Variants in ADAMTS13 observed in about 807,000 individuals in gnomAD.
The protein encoded by ADAMTS13 is ADAM metallopeptidase with thrombospondin type 1 motif 13.
A neutral mutation model predicts 155.1 loss-of-function variants in ADAMTS13; 110 were observed. That is an observed-to-expected ratio of 0.71 (90% CI 0.61 to 0.83). The LOEUF is 0.83. Among genes scored for constraint, ADAMTS13 ranks in the 40% least tolerant of loss-of-function variants. The pLI is 0.00. For missense variants in ADAMTS13, 1,707 were observed against 1,891.7 expected, an observed-to-expected ratio of 0.90 and a Z score of 1.81; for synonymous variants, 758 against 756.4, an observed-to-expected ratio of 1.00 and a Z score of -0.03.
Position 133,459,001 on chromosome 9 carries a change from A to G in ADAMTS13, c.3937A>G (p.Thr1313Ala), listed in dbSNP as rs1554797083. The G allele has an allele frequency of 1.9e-6, 3 of 1,613,210 alleles. 1 individual carries two copies. Among genetic ancestry groups the G allele is most frequent in the South Asian group, 2.2e-5 (2 of 91,066 alleles). Reference protein sequence around the residue: ...LIRDTHSLRTTAFHGQQVLYW... With the variant: ...LIRDTHSLRTAAFHGQQVLYW... ...CCGGGACACCCACAGCTTGAGGACC[A>G]CAGCGTTCCATGGGCAGCAGGTGCT... The change falls in exon 29 of 29, where the codon ACA (threonine) becomes GCA (alanine). Residue 1313 changes from threonine to alanine, a missense_variant. Thr to Ala is a moderately conservative substitution (Grantham distance 58, BLOSUM62 0). Transcript: ENST00000355699.
In ADAMTS13 at chr9:133,443,379, G is replaced by A. The variant is rs1554791458; in HGVS notation, c.2238G>A (p.Trp746Ter). ...GACGCTCTGTCTCCTTCCTCAGCTG[G>A]GCGGTGGGAGACTTCGGCCCATGCA... ...ACVLEPCPPYWAVGDFGPCSA... is the reference protein window; with the variant it reads ...ACVLEPCPPY The change falls in exon 19 of 29, where the codon TGG becomes TGA. Residue 746 changes from tryptophan (W) to a stop codon, truncating the protein, a stop_gained. Coordinates refer to ENST00000355699, the MANE Select transcript of ADAMTS13 (RefSeq NM_139027.6). LOFTEE classifies it high-confidence loss of function. The A allele has an allele frequency of 6.3e-7, 1 of 1,596,350 alleles. No individual in the cohort carries two copies. Among genetic ancestry groups the A allele is most frequent in the South Asian group, 1.1e-5 (1 of 89,398 alleles).
In ADAMTS13 at chr9:133,436,858, G is replaced by T. The variant is rs781815925; in HGVS notation, c.1338G>T (p.Met446Ile). Reference protein sequence around the residue: ...QACEKTQLEFMSQQCARTDGQ... With the variant: ...QACEKTQLEFISQQCARTDGQ... ...GCGAGAAGACCCAGCTGGAGTTCAT[G>T]TCGCAACAGTGCGCCAGGACCGACG... is the stretch of plus-strand genomic sequence containing the variant. The change falls in exon 12 of 29, where the codon ATG becomes ATT. Residue 446 changes from methionine to isoleucine, a missense_variant. By Grantham distance (10) the Met-to-Ile change is conservative. Transcript: ENST00000355699. 6.3e-6 allele frequency: 10 copies of T among 1,586,474 alleles called. No homozygotes were observed. In the East Asian group the frequency reaches 2.3e-4, roughly 36 times the overall value.
At chr9:133,431,679 G>T (rs1459015450) in intron 8 of ADAMTS13, among the ~76,000 whole-genome samples, 2 of 151,528 alleles carry the variant, frequency 1.3e-5, no homozygotes, top group Non-Finnish European at 2.9e-5. Context: ...TTTTGAGACG[G>T]AGTCTCGCTC....
In ADAMTS13 at chr9:133,436,970, G is replaced by T; in HGVS notation, c.1435+15G>T. The T allele has an allele frequency of 6.3e-7, 1 of 1,593,834 alleles. No individual in the cohort carries two copies. ...ACACAGCCAAGGTGGGGCCTGCGGA[G>T]TGTGGGGTTGGGGGAGGAGCCAGCC... On this transcript the variant is annotated intron_variant, in intron 12 of 28. Transcript: ENST00000355699.
At chr9:133,438,016 T>G (rs75357626) in intron 13 of ADAMTS13, 119 bp downstream of exon 13, 2 of 1,561,672 alleles carry the variant, frequency 1.3e-6, no homozygotes, top group Non-Finnish European at 1.7e-6. Context: ...TGCAGGGGAG[T>G]GGTGCTGGGG....
rs10699153 is a variant in ADAMTS13 at position 133,458,555 on chromosome 9, C to CAAAAAAAAAAAA, written c.3910-409_3910-398dup. ...TGGGCAACAGAGTGAGACTCTGTCT[C>CAAAAAAAAAAAA]AAAAAAAAAAAAAAAAAAAAAGCGA... On this transcript the variant is annotated intron_variant, in intron 28 of 28. Transcript: ENST00000355699. 2.8e-4 allele frequency among the ~76,000 whole-genome samples: 16 copies of CAAAAAAAAAAAA among 56,224 alleles called. 3 individuals are homozygous for CAAAAAAAAAAAA. The highest frequency in any genetic ancestry group is 2.1e-3 in the East Asian group (3 of 1,450). 36.9% of individuals were successfully genotyped at this position (56,224 alleles called of 152,430 possible).
intron 16 of ADAMTS13, 50 bp from the exon 17 acceptor site, chr9:133,442,349 G>A: frequency 6.2e-7 from 1 of 1,613,454 alleles, no homozygotes; most frequent in Non-Finnish European, 8.5e-7. Context: ...GGCCATGACA[G>A]TGACCCTCAG....
chr9:133,447,998 T>C (rs1257776534), intron 21 of ADAMTS13, among the ~76,000 whole-genome samples: 1 of 151,230 alleles, frequency 6.6e-6, no homozygotes, highest in Non-Finnish European at 1.5e-5. Flanking sequence ...TTTTTTCTTT[T>C]TTTTTTTTTT....
intron 8 of ADAMTS13, 51 bp from the exon 9 acceptor site, chr9:133,432,536 TG>T: frequency 6.8e-7 from 1 of 1,477,628 alleles, no homozygotes; most frequent in Non-Finnish European, 9.2e-7. Context: ...GACACTGGCC[TG>T]GAAGGCCCTG....
chr9:133,433,437 T>C lies in ADAMTS13; in HGVS notation c.1152T>C (p.His384=), dbSNP rs140640175. ...LVELTPIAAV[H]GRWSSWGPRS... is the part of the protein sequence containing the mutation. ...AGCTGACCCCCATAGCAGCAGTGCA[T>C]GGGCGCTGGTCTAGCTGGGGTCCCC... Residue 384 remains histidine, a synonymous_variant, in exon 10 of 29, where the codon CAT becomes CAC. Coordinates refer to ENST00000355699, the MANE Select transcript of ADAMTS13 (RefSeq NM_139027.6). The C allele has an allele frequency of 6.2e-6, 10 of 1,613,406 alleles. No homozygotes were observed. Among genetic ancestry groups the C allele is most frequent in the Non-Finnish European group, 7.6e-6 (9 of 1,179,930 alleles).
Position 133,449,610 on chromosome 9 carries a change from A to G in ADAMTS13, c.2862-173A>G, listed in dbSNP as rs111467350. Among the ~76,000 whole-genome samples the G allele has an allele frequency of 1.3e-4, 20 of 151,938 alleles. 1 individual carries two copies. Among genetic ancestry groups the G allele is most frequent in the African/African-American group, 4.6e-4 (19 of 41,430 alleles). ...ATGGGTTTGTCCAAATGTTCTGTCCACTCTGCCAAGCCTCTTGGTGAGGAC... is the reference window on the plus strand; with the variant it reads ...ATGGGTTTGTCCAAATGTTCTGTCCGCTCTGCCAAGCCTCTTGGTGAGGAC... On this transcript the variant is annotated intron_variant, in intron 22 of 28. Transcript: ENST00000355699.
chr9:133,456,795 G>T lies in ADAMTS13; in HGVS notation c.3724+76G>T. 1 of 1,516,042 alleles carries T rather than the reference G, an allele frequency of 6.6e-7. No individual in the cohort carries two copies. Among genetic ancestry groups the T allele is most frequent in the South Asian group, 1.2e-5 (1 of 83,170 alleles). 93.9% of individuals were successfully genotyped at this position (1,516,042 alleles called of 1,614,324 possible). ...AGGCTGGGTGGGTGCTGCTGGGGATGGGGCCAGTCCCAGTGGGGCAGTGGG... is the reference window on the plus strand; with the variant it reads ...AGGCTGGGTGGGTGCTGCTGGGGATTGGGCCAGTCCCAGTGGGGCAGTGGG... On this transcript the variant is annotated intron_variant, in intron 27 of 28. Transcript: ENST00000355699. The surrounding 1 kb of genome is among the most constrained non-coding windows in gnomAD (Gnocchi z 4.4).
At chr9:133,458,794 G>A (rs1032146555) in intron 28 of ADAMTS13, among the ~76,000 whole-genome samples, 180 bp from the exon 29 acceptor site, 2 of 152,206 alleles carry the variant, frequency 1.3e-5, no homozygotes, top group Non-Finnish European at 2.9e-5. Flanking sequence ...GTGTGTCCTT[G>A]GGGAAGTGAT....
At chr9:133,418,648 T>C (rs145275561), upstream of ADAMTS13, among the ~76,000 whole-genome samples, 2,291 of 152,176 alleles carry the variant, frequency 0.015, 40 homozygotes, top group African/African-American at 0.045. Flanking sequence ...TCGTGATCGA[T>C]TGAGCAAGCA....
intron 8 of ADAMTS13, among the ~76,000 whole-genome samples, chr9:133,430,774 C>A (rs1840698025): frequency 6.6e-6 from 1 of 151,154 alleles, no homozygotes; most frequent in Non-Finnish European, 1.5e-5. Context: ...CATTCTCCTG[C>A]CTCAGCCTCC....
rs75039118 is a variant in ADAMTS13, at chr9:133,439,340, A to G, written c.1706-26A>G. 6.0e-4 allele frequency: 883 copies of G among 1,480,452 alleles called. 7 individuals carry two copies. The East Asian group carries it at 0.013, about 23-fold the overall frequency. The allele number at this position is 1,480,452 out of a possible 1,614,324, so 91.7% of individuals were successfully genotyped here. A position where few individuals can be genotyped will look rare whatever the true frequency, so the allele number is the denominator to read the frequency against. ...GGTGTGGTGGCTGTGAGGTCCACGC[A>G]TCTCTCCTTCTTTTCTTCTTTCTAG... On this transcript the variant is annotated intron_variant, in intron 14 of 28. Transcript: ENST00000355699.
rs1025438634 is a variant in ADAMTS13, at chr9:133,432,703, A to G, written c.1092+11A>G. Reference sequence around the variant, plus strand: ...TGTGGCGTGGAGAAGGTCAGAGCCAAGAGTGAATGAGTGGGCTCCTGTGAG... The same window carrying G: ...TGTGGCGTGGAGAAGGTCAGAGCCAGGAGTGAATGAGTGGGCTCCTGTGAG... On this transcript the variant is annotated intron_variant, in intron 9 of 28. Coordinates refer to ENST00000355699, the MANE Select transcript of ADAMTS13 (RefSeq NM_139027.6). 6.4e-7 allele frequency: 1 copy of G among 1,551,826 alleles called. No homozygotes were observed.
intron 11 of ADAMTS13, 38 bp downstream of exon 11, chr9:133,433,742 G>A (rs375868758): frequency 1.9e-6 from 3 of 1,607,928 alleles, no homozygotes; most frequent in African/African-American, 1.3e-5. Context: ...GGCAGCTGGT[G>A]GCACCGGGCC....
intron 7 of ADAMTS13, among the ~76,000 whole-genome samples, chr9:133,428,994 C>CCTCCCTACGTCCGTCCCCACCT (rs1272359707): frequency 2.0e-5 from 3 of 147,592 alleles, no homozygotes; most frequent in Admixed American, 6.7e-5. Flanking sequence ...CCGCGCCACC[C>CCTCCCTACGTCCGTCCCCACCT]CTCCCTACGT....
Sources: gnomAD v4.1 joint callset for allele counts (sites outside exome capture counted in the v4.1 genomes callset) on GRCh38, gnomAD v4.1.1 for gene constraint, Gnocchi (gnomAD v3.1) non-coding constraint, MANE v1.5 for transcripts, NCBI Gene and HGNC (gene_info 2026-07-23, HGNC 2026-07-21) for gene names.